MED13L: variants seen among roughly 807,000 people sequenced by gnomAD.
The protein encoded by MED13L is mediator of RNA polymerase II transcription subunit 13-like.
MED13L carries 7 observed loss-of-function variants against 220.9 expected under a neutral mutation model. The observed-to-expected ratio is 0.03, with a 90% CI of 0.02 to 0.06. The LOEUF (loss-of-function observed/expected upper bound fraction) is 0.06. Among genes scored for constraint, MED13L ranks in the 10% least tolerant of loss-of-function variants. The probability of loss-of-function intolerance (pLI) is 1.00; values close to 1 mark genes in which losing one functional copy is unlikely to be tolerated. For missense variants in MED13L, 1,965 were observed against 2,760.5 expected (o/e 0.71, Z 6.46); for synonymous variants, 1,011 against 1,015.2 (o/e 1.00, Z 0.08).
intron 1 of MED13L, among the ~76,000 whole-genome samples, chr12:116,265,171 G>A (rs1872743104): frequency 1.3e-5 from 2 of 152,142 alleles, no homozygotes; most frequent in East Asian, 1.9e-4. Flanking sequence ...CCCCTTCAAG[G>A]TTCACCACGA....
intron 2 of MED13L, among the ~76,000 whole-genome samples, chr12:116,232,330 C>G (rs1177092329): frequency 6.6e-6 from 1 of 151,514 alleles, no homozygotes; most frequent in Non-Finnish European, 1.5e-5. Flanking sequence ...GTCTAATAAT[C>G]AAAAAAAGAG....
chr12:116,207,989 C>T (rs1413980817), intron 2 of MED13L, among the ~76,000 whole-genome samples: 3 of 152,138 alleles, frequency 2.0e-5, no homozygotes, highest in African/African-American at 7.2e-5. Flanking sequence ...AACATGTTGT[C>T]ATACCAAAAA....
chr12:116,234,520 G>A (rs1335624629), intron 2 of MED13L, among the ~76,000 whole-genome samples: 10 of 150,716 alleles, frequency 6.6e-5, no homozygotes, highest in Non-Finnish European at 5.9e-5. Context: ...GTGAGCCACC[G>A]TGACCAGCCA....
chr12:115,993,021 A>T (rs1177042609), intron 16 of MED13L, among the ~76,000 whole-genome samples: 1 of 152,214 alleles, frequency 6.6e-6, no homozygotes, highest in East Asian at 1.9e-4. Flanking sequence ...CAACAGTTAA[A>T]AAACACAAAT....
chr12:115,995,129 T>C (rs771729414), intron 16 of MED13L, among the ~76,000 whole-genome samples: 29 of 152,276 alleles, frequency 1.9e-4, no homozygotes, highest in Non-Finnish European at 4.0e-4. Flanking sequence ...AAGCAGGAAG[T>C]CTTGTTACGA....
At chr12:116,119,809 T>A (rs1361442458) in intron 2 of MED13L, among the ~76,000 whole-genome samples, 1 of 38,786 alleles carries the variant, frequency 2.6e-5, no homozygotes, top group African/African-American at 1.1e-4. Flanking sequence ...CCCATATCTT[T>A]AAAAAAAAAA....
chr12:116,191,995 A>G (rs898940812), intron 2 of MED13L, among the ~76,000 whole-genome samples: 15 of 152,256 alleles, frequency 9.9e-5, no homozygotes, highest in African/African-American at 3.1e-4. Context: ...TATCTTAATG[A>G]CAATAGAATG....
chr12:116,197,771 A>G (rs1881729864), intron 2 of MED13L, among the ~76,000 whole-genome samples: 1 of 151,324 alleles, frequency 6.6e-6, no homozygotes, highest in African/African-American at 2.4e-5. Flanking sequence ...GTCTCAAAAA[A>G]AGAAAAAAAG....
intron 4 of MED13L, among the ~76,000 whole-genome samples, chr12:116,074,665 C>G (rs1187896238): frequency 6.6e-6 from 1 of 152,180 alleles, no homozygotes; most frequent in African/African-American, 2.4e-5. Flanking sequence ...AGAGAGAAAG[C>G]CTCACTATTC....
chr12:116,104,392 T>C (rs911573318), intron 3 of MED13L, among the ~76,000 whole-genome samples: 24 of 152,222 alleles, frequency 1.6e-4, no homozygotes, highest in Admixed American at 1.3e-3. Context: ...TAGACAAATA[T>C]AATGCTATTG....
At chr12:116,253,659 T>C (rs1232580538) in intron 1 of MED13L, among the ~76,000 whole-genome samples, 2 of 151,586 alleles carry the variant, frequency 1.3e-5, no homozygotes, top group African/African-American at 4.9e-5. Flanking sequence ...ATCAGTATAA[T>C]TCACCATATT....
chr12:116,277,022 C>G (rs1041658288), intron 1 of MED13L, 38 bp downstream of exon 1: 139 of 1,006,160 alleles, frequency 1.4e-4, no homozygotes, highest in Non-Finnish European at 1.9e-4. Flanking sequence ...CCCCCCCCTT[C>G]CCCGGCACAG....
At position 116,084,084 on chromosome 12, in the gene MED13L, G is replaced by A. The variant is rs139900261; in HGVS notation, c.479+12585C>T. On this transcript the variant is annotated intron_variant, in intron 4 of 30. Coordinates refer to ENST00000281928, the MANE Select transcript of MED13L (RefSeq NM_015335.5). ...CCTTGTATTGTACTTCAAACACTGA[G>A]CCATGTTCAAACTTACCAGTGTAAT... 7.9e-5 allele frequency among the ~76,000 whole-genome samples: 12 copies of A among 152,292 alleles called. No homozygotes were observed. The East Asian group carries it at 2.3e-3, about 29-fold the overall frequency.
chr12:116,014,452 T>A (rs1319638942), intron 8 of MED13L, among the ~76,000 whole-genome samples: 2 of 152,234 alleles, frequency 1.3e-5, no homozygotes, highest in African/African-American at 2.4e-5. Context: ...ATAGTACTTA[T>A]TGACTCCTGT....
rs150359120 is a variant in MED13L, at chr12:116,085,673, C to T, written c.479+10996G>A. Among the ~76,000 whole-genome samples, 64 of 151,270 alleles carry T rather than the reference C, an allele frequency of 4.2e-4. No homozygotes were observed. The East Asian group carries it at 0.012, about 27-fold the overall frequency. On this transcript the variant is annotated intron_variant, in intron 4 of 30. Transcript: ENST00000281928. ...AATAAATGATTTTATATTAAAGATT[C>T]AATTTAGGAGTAATGTAGGAATGGG...
At chr12:116,101,279 G>A (rs1380704548) in intron 3 of MED13L, among the ~76,000 whole-genome samples, 1 of 152,196 alleles carries the variant, frequency 6.6e-6, no homozygotes, top group African/African-American at 2.4e-5. Flanking sequence ...TACAGACGGT[G>A]TGTGTCTGTC....
In MED13L at chr12:115,968,981, G is replaced by A. The variant is rs1413572367; in HGVS notation, c.6184C>T (p.Pro2062Ser). The change falls in exon 28 of 31, where the codon CCT (proline) becomes TCT (serine). Residue 2062 changes from proline to serine, a missense_variant. By Grantham distance (74) the Pro-to-Ser change is moderately conservative. This residue lies in a region of MED13L where 145 missense variants were observed against 328.3 expected (regional missense o/e 0.44). Transcript: ENST00000281928. Reference protein sequence around the residue: ...NSSPVPSPGSPSGIGVGSHFQ... With the variant: ...NSSPVPSPGSSSGIGVGSHFQ... Reference sequence around the variant, plus strand: ...TGAGAGCCCACACCAATTCCAGAAGGAGAGCCTGGGGAGGGTACTGGGGAA... The same window carrying A: ...TGAGAGCCCACACCAATTCCAGAAGAAGAGCCTGGGGAGGGTACTGGGGAA... The A allele has an allele frequency of 3.7e-6, 6 of 1,613,982 alleles. No individual in the cohort carries two copies. In the South Asian group the frequency reaches 5.5e-5, roughly 15 times the overall value.
intron 2 of MED13L, among the ~76,000 whole-genome samples, chr12:116,200,810 A>G (rs1275226627): frequency 6.6e-6 from 1 of 152,188 alleles, no homozygotes; most frequent in African/African-American, 2.4e-5. Context: ...AGCAAGTTAG[A>G]TTTTTTTAAT....
chr12:116,006,064 G>A (rs935064229), intron 12 of MED13L, 71 bp from the exon 13 acceptor site: 7 of 1,585,492 alleles, frequency 4.4e-6, no homozygotes, highest in African/African-American at 2.7e-5. Flanking sequence ...GAGAGGACAC[G>A]GATCTCAATG....
Sources: allele counts gnomAD v4.1 joint callset (sites outside exome capture counted in the v4.1 genomes callset), GRCh38; gene constraint gnomAD v4.1.1; regional missense constraint gnomAD v4.1.1; transcripts MANE v1.5; gene names NCBI Gene and HGNC (gene_info 2026-07-23, HGNC 2026-07-21).